The following OPCML variants were observed in gnomAD, a reference collection of about 807,000 sequenced individuals.
OPCML encodes opioid-binding protein/cell adhesion molecule.
In OPCML, 13 loss-of-function variants were observed where a neutral mutation model predicts 37.8. The observed-to-expected ratio is 0.34, with a 90% CI of 0.22 to 0.55. OPCML has a LOEUF of 0.55. Among genes scored for constraint, OPCML ranks in the 20% least tolerant of loss-of-function variants. OPCML has a pLI of 0.91. For synonymous variants in OPCML, 176 were observed against 168.8 expected (o/e 1.04, Z -0.33); for missense variants, 341 against 435.6 (o/e 0.78, Z 1.93).
At chr11:132,922,432 C>A (rs1944838399) in intron 2 of OPCML, among the ~76,000 whole-genome samples, 1 of 152,106 alleles carries the variant, frequency 6.6e-6, no homozygotes, top group Admixed American at 6.5e-5. Context: ...ACCTTCCACC[C>A]TGTGCAAACA....
At chr11:132,956,309 A>C (rs1483468134) in intron 1 of OPCML, among the ~76,000 whole-genome samples, 2 of 152,244 alleles carry the variant, frequency 1.3e-5, no homozygotes, top group African/African-American at 2.4e-5. Context: ...TTCAGGTATT[A>C]GGATTCTAAT....
intron 1 of OPCML, among the ~76,000 whole-genome samples, chr11:132,965,393 A>G (rs79568354): frequency 0.025 from 3,750 of 151,618 alleles, 142 homozygotes; most frequent in African/African-American, 0.086. Context: ...TACTAATTAA[A>G]CCTCTTGCCT....
intron 1 of OPCML, among the ~76,000 whole-genome samples, chr11:133,030,366 G>C (rs1338954602): frequency 3.3e-5 from 5 of 152,200 alleles, no homozygotes; most frequent in African/African-American, 9.6e-5. Flanking sequence ...GATAATGGTA[G>C]ATGGGAAATA....
At chr11:133,143,761 G>A (rs527675494) in intron 1 of OPCML, among the ~76,000 whole-genome samples, 1 of 152,314 alleles carries the variant, frequency 6.6e-6, no homozygotes, top group East Asian at 1.9e-4. Flanking sequence ...TAGAAGCCAG[G>A]ACTGCTGAGA....
chr11:132,586,258 G>A (rs900807811), intron 3 of OPCML, among the ~76,000 whole-genome samples: 2 of 152,186 alleles, frequency 1.3e-5, no homozygotes, highest in Admixed American at 1.3e-4. Context: ...AAATGAAACT[G>A]CATCTCTGAG....
At chr11:133,304,386 T>G (rs1040699403) in intron 1 of OPCML, among the ~76,000 whole-genome samples, 2 of 152,176 alleles carry the variant, frequency 1.3e-5, no homozygotes, top group African/African-American at 4.8e-5. Flanking sequence ...AGAATAAACT[T>G]AGTAAACAGC....
chr11:133,191,407 T>C lies in OPCML; in HGVS notation c.62-248397A>G, dbSNP rs894272131. Among the ~76,000 whole-genome samples, 3 of 152,208 alleles carry C rather than the reference T, an allele frequency of 2.0e-5. No homozygotes were observed. The South Asian group carries it at 6.2e-4, about 31-fold the overall frequency. Reference sequence around the variant, plus strand: ...AGGGTAATTTAGAATGTTCAATGTATATTTCAACACATTATAAATCATTAG... The same window carrying C: ...AGGGTAATTTAGAATGTTCAATGTACATTTCAACACATTATAAATCATTAG... On this transcript the variant is annotated intron_variant, in intron 1 of 7. Transcript: ENST00000524381.
At chr11:133,106,468 A>G (rs1443130014) in intron 1 of OPCML, among the ~76,000 whole-genome samples, 1 of 152,240 alleles carries the variant, frequency 6.6e-6, no homozygotes, top group Non-Finnish European at 1.5e-5. Flanking sequence ...ATCAGAGCTC[A>G]AGCTTTTATG....
At chr11:133,008,024 G>T (rs7938283) in intron 1 of OPCML, 133,806 of 985,278 alleles carry the variant, frequency 0.14, 9,422 homozygotes, top group Admixed American at 0.29. Flanking sequence ...GCTGTGTCAA[G>T]AGAGCTGTCT....
At chr11:133,393,996 T>C (rs1369454235) in intron 1 of OPCML, among the ~76,000 whole-genome samples, 1 of 152,058 alleles carries the variant, frequency 6.6e-6, no homozygotes, top group African/African-American at 2.4e-5. Flanking sequence ...CCCCCACCTT[T>C]CCTACACTTT....
intron 1 of OPCML, chr11:133,297,291 G>A (rs753994921): frequency 3.2e-4 from 49 of 152,204 alleles, no homozygotes; most frequent in Non-Finnish European, 6.0e-4. Context: ...GCAAAGGGAT[G>A]TTTAGTGCAA....
At chr11:132,827,749 C>G (rs954714266) in intron 2 of OPCML, among the ~76,000 whole-genome samples, 1 of 152,152 alleles carries the variant, frequency 6.6e-6, no homozygotes, top group Non-Finnish European at 1.5e-5. Flanking sequence ...AAGTGATTCT[C>G]CTGCCTCAGC....
chr11:132,657,460 T>C (rs1463319675), intron 2 of OPCML, 141 bp from the exon 3 acceptor site: 3 of 1,426,736 alleles, frequency 2.1e-6, no homozygotes, highest in East Asian at 5.0e-5. Context: ...AAACAATTAT[T>C]GATGAAACTT....
At chr11:133,149,440 T>C (rs761589278) in intron 1 of OPCML, among the ~76,000 whole-genome samples, 3 of 152,236 alleles carry the variant, frequency 2.0e-5, no homozygotes, top group Non-Finnish European at 2.9e-5. Flanking sequence ...AGGCAACTGC[T>C]AGGCTTCCCA....
At chr11:132,764,478 T>G (rs1359346013) in intron 2 of OPCML, among the ~76,000 whole-genome samples, 3 of 152,210 alleles carry the variant, frequency 2.0e-5, no homozygotes, top group Non-Finnish European at 1.5e-5. Context: ...TTATTTTCCA[T>G]GTATGAGCTG....
At chr11:132,741,121 C>T (rs931697943) in intron 2 of OPCML, among the ~76,000 whole-genome samples, 1 of 152,148 alleles carries the variant, frequency 6.6e-6, no homozygotes, top group Admixed American at 6.5e-5. Context: ...GAAGCCTCTG[C>T]TATTTGAAAC....
chr11:133,281,481 A>G (rs1359881610), intron 1 of OPCML, among the ~76,000 whole-genome samples: 1 of 152,186 alleles, frequency 6.6e-6, no homozygotes, highest in African/African-American at 2.4e-5. Context: ...CCAGAAGCAG[A>G]TGCAGAACCA....
intron 2 of OPCML, among the ~76,000 whole-genome samples, chr11:132,754,166 T>A (rs1347514478): frequency 2.6e-5 from 4 of 152,206 alleles, no homozygotes. Flanking sequence ...GTAAGAGGTG[T>A]TTCAGAAGCC....
At chr11:133,276,033 G>A (rs1941984067) in intron 1 of OPCML, among the ~76,000 whole-genome samples, 1 of 152,110 alleles carries the variant, frequency 6.6e-6, no homozygotes, top group South Asian at 2.1e-4. Flanking sequence ...ATCGTGGCCA[G>A]AGACCCAAAA....
Sources: gnomAD v4.1 joint callset for allele counts (sites outside exome capture counted in the v4.1 genomes callset) on GRCh38, gnomAD v4.1.1 for gene constraint, MANE v1.5 for transcripts, NCBI Gene and HGNC (gene_info 2026-07-23, HGNC 2026-07-21) for gene names.